BOLL: variants seen among roughly 807,000 people sequenced by gnomAD.
BOLL encodes protein boule-like.
BOLL carries 23 observed loss-of-function variants against 44.4 expected under a neutral mutation model. The ratio of observed to expected loss-of-function variants is 0.52; its 90% CI spans 0.37 to 0.73. BOLL has a LOEUF of 0.73. Ranked by LOEUF, BOLL falls within the 30% of genes least tolerant of loss-of-function variation. The pLI is 0.00. For missense variants in BOLL, 287 were observed against 338.3 expected (o/e 0.85, Z 1.19); for synonymous variants, 97 against 110.8 (o/e 0.88, Z 0.78).
chr2:197,754,750 A>AACACACACACACACACACAC (rs142614771), intron 9 of BOLL, among the ~76,000 whole-genome samples: 5 of 149,966 alleles, frequency 3.3e-5, no homozygotes, highest in African/African-American at 1.2e-4. Context: ...AAAACCCCAA[A>AACACACACACACACACACAC]ACACACACAC....
At chr2:197,746,720 T>G (rs958644165) in intron 9 of BOLL, among the ~76,000 whole-genome samples, 25 of 151,784 alleles carry the variant, frequency 1.6e-4, no homozygotes, top group Non-Finnish European at 4.4e-5. Context: ...GCCAACATGG[T>G]GAAACCCCGT....
intron 7 of BOLL, among the ~76,000 whole-genome samples, chr2:197,758,122 C>T (rs181776263): frequency 3.3e-5 from 5 of 152,256 alleles, no homozygotes; most frequent in Admixed American, 1.3e-4. Context: ...ACAAAGTTAC[C>T]GTATGACCCA....
At chr2:197,729,799 A>G (rs1287723850) in intron 10 of BOLL, among the ~76,000 whole-genome samples, 3 of 151,458 alleles carry the variant, frequency 2.0e-5, no homozygotes, top group Non-Finnish European at 3.0e-5. Flanking sequence ...CATCCACACC[A>G]AAAACCCATC....
chr2:197,758,089 T>C (rs779809496), intron 7 of BOLL, among the ~76,000 whole-genome samples: 1 of 152,136 alleles, frequency 6.6e-6, no homozygotes, highest in Non-Finnish European at 1.5e-5. Flanking sequence ...TTTGGGAAAA[T>C]AAACACTTCC....
intron 9 of BOLL, among the ~76,000 whole-genome samples, chr2:197,747,418 C>T (rs1688036622): frequency 1.3e-5 from 2 of 151,664 alleles, no homozygotes; most frequent in Admixed American, 1.3e-4. Flanking sequence ...CCCGTCTCTA[C>T]TAAAAATACA....
chr2:197,785,934 T>G, upstream of BOLL: 1 of 1,461,280 alleles, frequency 6.8e-7, no homozygotes, highest in South Asian at 1.1e-5. The surrounding 1 kb of genome is among the most constrained non-coding windows in gnomAD (Gnocchi z 6.7). Context: ...TCCACGCTGC[T>G]CCTTCTCCCC....
intron 10 of BOLL, among the ~76,000 whole-genome samples, chr2:197,734,888 G>C (rs1482785391): frequency 6.6e-6 from 1 of 151,950 alleles, no homozygotes; most frequent in Non-Finnish European, 1.5e-5. Context: ...ACACCAACAT[G>C]GCACACGTAT....
At chr2:197,760,696 G>T (rs775937854) in intron 7 of BOLL, among the ~76,000 whole-genome samples, 16 of 151,942 alleles carry the variant, frequency 1.1e-4, no homozygotes, top group Non-Finnish European at 1.9e-4. Context: ...CAACTAGAGA[G>T]TATTACAGCT....
At chr2:197,776,642 CCTTAA>C (rs1689528190) in intron 4 of BOLL, among the ~76,000 whole-genome samples, 1 of 151,946 alleles carries the variant, frequency 6.6e-6, no homozygotes, top group East Asian at 1.9e-4. Context: ...GTTATATTTG[CCTTAA>C]CTTAAAGTTA....
chr2:197,769,985 A>C (rs1419361309), intron 6 of BOLL, among the ~76,000 whole-genome samples: 1 of 152,316 alleles, frequency 6.6e-6, no homozygotes, highest in Admixed American at 6.5e-5. Flanking sequence ...TTCTTCACAG[A>C]ATTGGAAGAA....
intron 10 of BOLL, among the ~76,000 whole-genome samples, chr2:197,729,631 G>C (rs547075273): frequency 1.1e-3 from 168 of 152,296 alleles, no homozygotes; most frequent in Middle Eastern, 3.4e-3. Context: ...CGGGCAGACT[G>C]CCTCCTCAAG....
chr2:197,773,958 A>AG, intron 5 of BOLL: 2 of 426,874 alleles, frequency 4.7e-6, no homozygotes. Context: ...CTAAGAAAAA[A>AG]CTAAGATAAG....
intron 3 of BOLL, 59 bp downstream of exon 3, chr2:197,778,916 C>T: frequency 7.0e-7 from 1 of 1,434,520 alleles, no homozygotes; most frequent in South Asian, 1.2e-5. Flanking sequence ...CGTACAAAAC[C>T]TAGTCATCCA....
In BOLL at chr2:197,734,155, T is replaced by C. The variant is rs531577650; in HGVS notation, c.829-5577A>G. On this transcript the variant is annotated intron_variant, in intron 10 of 10. Transcript: ENST00000392296. ...ACCCCATCAAAAAGTGGGCGAAGGA[T>C]ATGAACAGACACTTCTCAAAAGAAG... 8.6e-3 allele frequency among the ~76,000 whole-genome samples: 1,299 copies of C among 151,010 alleles called. 23 individuals carry two copies. The highest frequency in any genetic ancestry group is 0.03 in the African/African-American group (1,227 of 40,972).
At position 197,781,738 on chromosome 2, in the gene BOLL, C is replaced by G. The variant is rs777269851; in HGVS notation, c.113G>C (p.Gly38Ala). ...GTVIPNRIFVGGIDFKTNESD... is the reference protein window; with the variant it reads ...GTVIPNRIFVAGIDFKTNESD... ...AATAGGTACCTTAAAATCAATTCCT[C>G]CTACAAAGATGCGATTAGGGATCAC... Residue 38 changes from glycine to alanine, a missense_variant, in exon 2 of 11, where the codon GGA becomes GCA. By Grantham distance (60) the Gly-to-Ala change is moderately conservative. Coordinates refer to ENST00000392296, the MANE Select transcript of BOLL (RefSeq NM_033030.6). The G allele has an allele frequency of 6.4e-7, 1 of 1,562,306 alleles. No homozygotes were observed. Among genetic ancestry groups the G allele is most frequent in the South Asian group, 1.2e-5 (1 of 81,328 alleles).
At chr2:197,767,543 T>A in intron 6 of BOLL, among the ~76,000 whole-genome samples, 1 of 152,016 alleles carries the variant, frequency 6.6e-6, no homozygotes, top group South Asian at 2.1e-4. Context: ...CTTTTTATGA[T>A]TAAAAACTCT....
chr2:197,751,598 G>A (rs983217496), intron 9 of BOLL, among the ~76,000 whole-genome samples: 9 of 152,114 alleles, frequency 5.9e-5, no homozygotes, highest in African/African-American at 1.9e-4. Context: ...AATCCAGGAA[G>A]AAGTTGAATC....
At chr2:197,747,363 T>C (rs575920327) in intron 9 of BOLL, among the ~76,000 whole-genome samples, 130 of 151,840 alleles carry the variant, frequency 8.6e-4, no homozygotes, top group African/African-American at 3.0e-3. Context: ...GCAGGCTGAT[T>C]ACGAGGTCAG....
At chr2:197,745,460 G>A (rs1478606412) in intron 9 of BOLL, among the ~76,000 whole-genome samples, 2 of 151,952 alleles carry the variant, frequency 1.3e-5, no homozygotes, top group African/African-American at 2.4e-5. Flanking sequence ...ATAATGATGG[G>A]CAATATTTTC....
Sources: allele counts gnomAD v4.1 joint callset (sites outside exome capture counted in the v4.1 genomes callset), GRCh38; gene constraint gnomAD v4.1.1; non-coding constraint Gnocchi (gnomAD v3.1); transcripts MANE v1.5; gene names NCBI Gene and HGNC (gene_info 2026-07-23, HGNC 2026-07-21).